DAO: variants seen among roughly 807,000 people sequenced by gnomAD.
DAO encodes D-amino-acid oxidase.
DAO carries 51 observed loss-of-function variants against 50.1 expected under a neutral mutation model. The ratio of observed to expected loss-of-function variants is 1.02; its 90% confidence interval spans 0.81 to 1.29. The LOEUF is 1.29. Among genes scored for constraint, DAO ranks in the 50% most tolerant of loss-of-function variants. DAO has a pLI of 0.00. For synonymous variants in DAO, 160 were observed against 166.2 expected, an observed-to-expected ratio of 0.96 and a Z score of 0.29; for missense variants, 436 against 439.4, an observed-to-expected ratio of 0.99 and a Z score of 0.07.
intron 1 of DAO, chr12:108,883,885 A>G (rs1300066445): frequency 7.2e-6 from 2 of 278,426 alleles, no homozygotes; most frequent in African/African-American, 4.5e-5. Flanking sequence ...ACTAGGCCAT[A>G]TTAAGAATGT....
At chr12:108,886,213 A>G (rs2137343342) in intron 2 of DAO, among the ~76,000 whole-genome samples, 2 of 149,964 alleles carry the variant, frequency 1.3e-5, no homozygotes, top group Middle Eastern at 6.8e-3. Context: ...AAATAGAGAT[A>G]GGGTCTCACT....
rs1593158145 is a variant in DAO, at chr12:108,885,130, C to T, written c.124C>T (p.Leu42Phe). 2 of 1,613,294 alleles carry T rather than the reference C, an allele frequency of 1.2e-6. No individual in the cohort carries two copies. The highest frequency in any genetic ancestry group is 2.2e-5 in the East Asian group (1 of 44,828). ...IKVYADRFTP[L>F]TTTDVAAGLW... ...GGTCTACGCGGACCGCTTCACCCCA[C>T]TCACCACCACCGACGTGGCTGCCGG... Residue 42 changes from leucine (L) to phenylalanine (F), a missense_variant, in exon 2 of 11, where the codon CTC becomes TTC. Coordinates refer to ENST00000228476, the MANE Select transcript of DAO (RefSeq NM_001917.5).
chr12:108,896,071 GAA>G (rs1295433162), intron 7 of DAO, among the ~76,000 whole-genome samples: 1 of 151,684 alleles, frequency 6.6e-6, no homozygotes, highest in African/African-American at 2.4e-5. Flanking sequence ...AGCAGCGAGA[GAA>G]TGATTGCATA....
chr12:108,890,311 C>CTCAAAGTGA, intron 5 of DAO, 38 bp downstream of exon 5: 1 of 1,531,090 alleles, frequency 6.5e-7, no homozygotes, highest in Non-Finnish European at 9.1e-7. Context: ...AGGTACCTCC[C>CTCAAAGTGA]AGAGACCAAG....
chr12:108,892,329 A>AT (rs915262439), intron 5 of DAO, among the ~76,000 whole-genome samples: 14 of 147,648 alleles, frequency 9.5e-5, no homozygotes, highest in South Asian at 2.2e-4. Context: ...CGTCTGGCTA[A>AT]TTTTTTTTTT....
rs1373472789 is a variant in DAO at position 108,890,291 on chromosome 12, A to G, written c.452+18A>G. 2 of 1,604,664 alleles carry G rather than the reference A, an allele frequency of 1.2e-6. No homozygotes were observed. The highest frequency in any genetic ancestry group is 2.2e-5 in the South Asian group (2 of 90,888). ...ACTGAAAGGTGAGATTTTAAGCTTC[A>G]CTTTGAGGGAGGTACCTCCCAGAGA... On this transcript the variant is annotated intron_variant, in intron 5 of 10. Coordinates refer to ENST00000228476, the MANE Select transcript of DAO (RefSeq NM_001917.5).
chr12:108,894,699 TATTA>T (rs1230241474), intron 7 of DAO, among the ~76,000 whole-genome samples: 2 of 152,142 alleles, frequency 1.3e-5, no homozygotes, highest in Admixed American at 6.5e-5. Context: ...TATTATTAAT[TATTA>T]ATTGTGTTAT....
chr12:108,900,631 A>G lies in DAO; in HGVS notation c.*96A>G. ...CTTCATAAGCCATTGCTTCTCCCTC[A>G]CTTCTTTCCTCAAAGAAGCATGAGG... On this transcript the variant is annotated 3_prime_UTR_variant, in exon 11 of 11. Transcript: ENST00000228476. 6.5e-7 allele frequency: 1 copy of G among 1,526,940 alleles called. No individual in the cohort carries two copies. Among genetic ancestry groups the G allele is most frequent in the Non-Finnish European group, 9.0e-7 (1 of 1,114,144 alleles). The allele number at this position is 1,526,940 out of a possible 1,614,324, so 94.6% of individuals were successfully genotyped here. A position where few individuals can be genotyped will look rare whatever the true frequency, so the allele number is the denominator to read the frequency against.
intron 7 of DAO, among the ~76,000 whole-genome samples, chr12:108,894,689 TATTATTA>T (rs1158321892): frequency 6.6e-6 from 1 of 152,112 alleles, no homozygotes; most frequent in African/African-American, 2.4e-5. Context: ...TGTTTATTAT[TATTATTA>T]ATTATTAATT....
intron 4 of DAO, 97 bp from the exon 5 acceptor site, chr12:108,890,111 C>A: frequency 1.9e-6 from 2 of 1,047,526 alleles, no homozygotes; most frequent in Non-Finnish European, 3.0e-6. Context: ...ACCCTTTGGG[C>A]CCACAGAACA....
At chr12:108,894,461 A>G in intron 7 of DAO, 94 bp downstream of exon 7, 1 of 1,093,820 alleles carries the variant, frequency 9.1e-7, no homozygotes, top group Non-Finnish European at 1.4e-6. Context: ...AATCAGGAAC[A>G]TCTGTTAGAG....
chr12:108,893,631 G>A (rs1447042407), intron 6 of DAO, among the ~76,000 whole-genome samples: 1 of 152,124 alleles, frequency 6.6e-6, no homozygotes, highest in Non-Finnish European at 1.5e-5. Context: ...ATACATGGTC[G>A]ACCCAATGCA....
chr12:108,881,802 C>T (rs1019181763), intron 1 of DAO, among the ~76,000 whole-genome samples: 38 of 151,804 alleles, frequency 2.5e-4, no homozygotes, highest in African/African-American at 8.9e-4. Flanking sequence ...GACAGGGTTT[C>T]ACCATATTGG....
At chr12:108,898,905 T>A in intron 9 of DAO, 109 bp downstream of exon 9, 1 of 751,516 alleles carries the variant, frequency 1.3e-6, no homozygotes, top group Non-Finnish European at 2.4e-6. Flanking sequence ...GGCAAATTAA[T>A]TCCAGCAAGG....
intron 1 of DAO, among the ~76,000 whole-genome samples, chr12:108,881,434 G>C (rs148471027): frequency 7.3e-6 from 1 of 137,566 alleles, no homozygotes; most frequent in African/African-American, 2.8e-5. Flanking sequence ...TCTGTCTCTG[G>C]CTTGTCATGA....
In DAO at chr12:108,898,749, C is replaced by A. The variant is rs2039589695; in HGVS notation, c.766C>A (p.His256Asn). ...GAGTGAACTAAACAATATCCAGGAC[C>A]ACAACACCATTTGGGAAGGCTGCTG... The part of the protein sequence containing the change: ...NWSELNNIQD[H>N]NTIWEGCCRL... Residue 256 changes from histidine (H) to asparagine (N), a missense_variant, in exon 9 of 11, where the codon CAC becomes AAC. His to Asn is a moderately conservative substitution (Grantham distance 68, BLOSUM62 1). Transcript: ENST00000228476. 6.2e-7 allele frequency: 1 copy of A among 1,614,020 alleles called. No homozygotes were observed. The highest frequency in any genetic ancestry group is 8.5e-7 in the Non-Finnish European group (1 of 1,179,970).
At chr12:108,891,982 C>A (rs893692605) in intron 5 of DAO, among the ~76,000 whole-genome samples, 4 of 152,034 alleles carry the variant, frequency 2.6e-5, no homozygotes, top group Non-Finnish European at 5.9e-5. Flanking sequence ...ATGGCTATTT[C>A]TCCTAACCTG....
At chr12:108,898,950 G>A (rs2039592853) in intron 9 of DAO, among the ~76,000 whole-genome samples, 154 bp downstream of exon 9, 1 of 152,210 alleles carries the variant, frequency 6.6e-6, no homozygotes, top group African/African-American at 2.4e-5. Context: ...TAATGTACAG[G>A]GAAGTTCTTG....
chr12:108,885,664 A>G (rs186367334), intron 2 of DAO, among the ~76,000 whole-genome samples: 347 of 148,198 alleles, frequency 2.3e-3, no homozygotes, highest in African/African-American at 8.8e-3. Context: ...GCCAGATACT[A>G]GGAGGCTTTG....
Sources: gnomAD v4.1 joint callset for allele counts (sites outside exome capture counted in the v4.1 genomes callset) on GRCh38, gnomAD v4.1.1 for gene constraint, MANE v1.5 for transcripts, NCBI Gene and HGNC (gene_info 2026-07-23, HGNC 2026-07-21) for gene names.